Variants in ADGRL3 observed in about 807,000 individuals in gnomAD.
ADGRL3 encodes the protein adhesion G protein-coupled receptor L3.
Under a neutral mutation model 153.5 loss-of-function variants are expected in ADGRL3, and 62 were observed. The ratio of observed to expected loss-of-function variants is 0.40; its 90% CI spans 0.33 to 0.50. The LOEUF (loss-of-function observed/expected upper bound fraction) is 0.50. Ranked by LOEUF, ADGRL3 falls within the 20% of genes least tolerant of loss-of-function variation. The pLI, the probability that ADGRL3 is intolerant of heterozygous loss-of-function variation, is 0.47. For synonymous variants in ADGRL3, 710 were observed against 672.5 expected (o/e 1.06, Z -0.86); for missense variants, 1,641 against 1,859.4 (o/e 0.88, Z 2.16).
intron 1 of ADGRL3, among the ~76,000 whole-genome samples, chr4:61,220,093 CAA>C (rs949639601): frequency 6.6e-5 from 8 of 121,278 alleles, no homozygotes; most frequent in African/African-American, 2.0e-4. Context: ...GCCTGGGCGA[CAA>C]GAGCAAAAAT....
intron 1 of ADGRL3, among the ~76,000 whole-genome samples, chr4:61,220,282 TG>T: frequency 6.6e-6 from 1 of 152,082 alleles, no homozygotes. Context: ...AAATGTGTCT[TG>T]TATGATTTAA....
chr4:61,651,016 G>T (rs976892868), intron 5 of ADGRL3, among the ~76,000 whole-genome samples: 6 of 152,050 alleles, frequency 3.9e-5, no homozygotes, highest in African/African-American at 1.4e-4. Context: ...ATGACAAAGA[G>T]ATTTAAATAA....
chr4:61,214,376 C>T (rs1335965471), intron 1 of ADGRL3, among the ~76,000 whole-genome samples: 6 of 152,144 alleles, frequency 3.9e-5, no homozygotes, highest in Non-Finnish European at 7.4e-5. Flanking sequence ...TTAAGTTCAT[C>T]TAAAGTATCA....
At chr4:61,726,199 C>CTTTTTTTTTTTTTTTTT (rs1012113549) in intron 6 of ADGRL3, among the ~76,000 whole-genome samples, 4 of 82,980 alleles carry the variant, frequency 4.8e-5, no homozygotes, top group East Asian at 4.0e-4. Flanking sequence ...CTCACTGGAA[C>CTTTTTTTTTTTTTTTTT]TTTTTTTTTT....
At position 61,383,194 on chromosome 4, in the gene ADGRL3, TTAG is replaced by T. The variant is rs2151917420; in HGVS notation, c.-174+9_-174+11del. 6.6e-6 allele frequency: 1 copy of T among 151,814 alleles called. No individual in the cohort carries two copies. Among genetic ancestry groups the T allele is most frequent in the Admixed American group, 6.6e-5 (1 of 15,214 alleles). 9.4% of individuals were successfully genotyped at this position (151,814 alleles called of 1,614,324 possible). ...GCAATTGAAGAGCAAATTAAGGTAA[TTAG>T]TAGATTATTATTGCCAACCATATAA... On this transcript the variant is annotated splice_donor_region_variant and intron_variant, in intron 2 of 26. Coordinates refer to ENST00000683033, the MANE Select transcript of ADGRL3 (RefSeq NM_001387552.1).
chr4:61,626,882 G>A (rs1418825494), intron 5 of ADGRL3, among the ~76,000 whole-genome samples: 1 of 152,040 alleles, frequency 6.6e-6, no homozygotes, highest in Non-Finnish European at 1.5e-5. Context: ...TGACTTAGAG[G>A]TAGTGCACAG....
At chr4:61,435,672 G>C (rs2097435466) in intron 2 of ADGRL3, among the ~76,000 whole-genome samples, 1 of 150,452 alleles carries the variant, frequency 6.6e-6, no homozygotes, top group African/African-American at 2.4e-5. Flanking sequence ...CTTTCACGGG[G>C]ACAATTGCAT....
intron 6 of ADGRL3, among the ~76,000 whole-genome samples, chr4:61,717,365 GA>G (rs1216346191): frequency 2.6e-5 from 4 of 151,954 alleles, no homozygotes; most frequent in Non-Finnish European, 5.9e-5. Flanking sequence ...TCCTGGGTGA[GA>G]AAAAAATAAT....
In ADGRL3 at chr4:62,070,658, G is replaced by C; in HGVS notation, c.4382G>C (p.Gly1461Ala). The C allele has an allele frequency of 1.3e-6, 2 of 1,551,460 alleles. No homozygotes were observed. The highest frequency in any genetic ancestry group is 1.7e-6 in the Non-Finnish European group (2 of 1,146,964). Residue 1461 changes from glycine (G) to alanine (A), a missense_variant, in exon 27 of 27, where the codon GGT becomes GCT. Physicochemically the swap from Gly to Ala is moderately conservative, Grantham distance 60 (BLOSUM62 0). This residue lies in a region of ADGRL3 where 517 missense variants were observed against 555.0 expected (regional missense o/e 0.93). Transcript: ENST00000683033. The part of the protein sequence containing the change: ...SLYTSMPTLA[G>A]VAATESVTTS... The stretch of plus-strand genomic sequence containing the variant: ...TATACCAGCATGCCGACACTGGCTG[G>C]TGTGGCCGCCACAGAGAGTGTTACC...
At chr4:61,394,792 G>A (rs573486590) in intron 2 of ADGRL3, among the ~76,000 whole-genome samples, 1 of 152,110 alleles carries the variant, frequency 6.6e-6, no homozygotes, top group Non-Finnish European at 1.5e-5. Context: ...TTTAATTCCT[G>A]GGGAGTATAT....
chr4:61,749,931 A>T (rs1273917219), intron 8 of ADGRL3, among the ~76,000 whole-genome samples: 1 of 152,100 alleles, frequency 6.6e-6, no homozygotes, highest in East Asian at 1.9e-4. Flanking sequence ...AGGCACACAG[A>T]TCTGCTGTGA....
chr4:61,303,469 T>C (rs566172157), intron 1 of ADGRL3, among the ~76,000 whole-genome samples: 42 of 152,276 alleles, frequency 2.8e-4, no homozygotes, highest in Middle Eastern at 3.4e-3. Context: ...GTTTTTTTTT[T>C]TCTTCACTAA....
chr4:61,251,812 G>A (rs1250280544), intron 1 of ADGRL3, among the ~76,000 whole-genome samples: 1 of 144,954 alleles, frequency 6.9e-6, no homozygotes, highest in African/African-American at 2.6e-5. Context: ...AAGTCATTGT[G>A]ATCCTCAAGC....
intron 1 of ADGRL3, among the ~76,000 whole-genome samples, chr4:61,273,772 C>T (rs374134287): frequency 4.6e-5 from 7 of 152,200 alleles, no homozygotes; most frequent in Non-Finnish European, 1.0e-4. Context: ...ACTACTTCCC[C>T]GCACCCCGTG....
intron 1 of ADGRL3, among the ~76,000 whole-genome samples, chr4:61,272,459 C>T (rs1349076636): frequency 6.6e-6 from 1 of 151,870 alleles, no homozygotes; most frequent in Non-Finnish European, 1.5e-5. Context: ...TCTATATCTG[C>T]CCTGCATTTT....
At chr4:61,612,599 A>G (rs2091501139) in intron 5 of ADGRL3, among the ~76,000 whole-genome samples, 1 of 152,226 alleles carries the variant, frequency 6.6e-6, no homozygotes, top group Non-Finnish European at 1.5e-5. Context: ...GCTTTTGAAG[A>G]TCACTAAAAT....
At chr4:61,394,972 T>C (rs949933231) in intron 2 of ADGRL3, among the ~76,000 whole-genome samples, 1 of 152,046 alleles carries the variant, frequency 6.6e-6, no homozygotes, top group Non-Finnish European at 1.5e-5. Flanking sequence ...AACTAAATAA[T>C]GAAGAAACTA....
intron 8 of ADGRL3, among the ~76,000 whole-genome samples, chr4:61,779,580 C>T (rs1248785527): frequency 7.2e-6 from 1 of 139,218 alleles, no homozygotes; most frequent in Admixed American, 7.8e-5. Flanking sequence ...TTACAGTGAG[C>T]CGAGATCCAG....
intron 1 of ADGRL3, among the ~76,000 whole-genome samples, chr4:61,381,689 T>A (rs2096670697): frequency 6.6e-6 from 1 of 151,918 alleles, no homozygotes; most frequent in South Asian, 2.1e-4. Context: ...GAACAACCCA[T>A]GATTGTTTAG....
Sources: gnomAD v4.1 joint callset for allele counts (sites outside exome capture counted in the v4.1 genomes callset) on GRCh38, gnomAD v4.1.1 for gene constraint, gnomAD v4.1.1 regional missense constraint, MANE v1.5 for transcripts, NCBI Gene and HGNC (gene_info 2026-07-23, HGNC 2026-07-21) for gene names.